Variants in FYB1 observed in about 807,000 individuals in gnomAD.
FYB1 encodes the protein FYN-binding protein 1.
FYB1 carries 41 observed loss-of-function variants against 94.1 expected under a neutral mutation model. The observed-to-expected ratio is 0.44, with a 90% confidence interval of 0.34 to 0.57. The LOEUF (loss-of-function observed/expected upper bound fraction) is 0.57. Ranked by LOEUF, FYB1 falls within the 20% of genes least tolerant of loss-of-function variation. The pLI is 0.02. For synonymous variants in FYB1, 367 were observed against 353.2 expected (o/e 1.04, Z -0.44); for missense variants, 1,050 against 976.8 (o/e 1.07, Z -1.00).
chr5:39,234,046 C>A (rs1475839896), intron 1 of FYB1, among the ~76,000 whole-genome samples: 6 of 152,070 alleles, frequency 3.9e-5, no homozygotes, highest in Admixed American at 6.6e-5. Context: ...GTGGCTAACT[C>A]TTTAAGTAAA....
rs1741812373 is a variant in FYB1, at chr5:39,138,007, A to C, written c.1395-287T>G. The C allele has an allele frequency of 7.6e-6, 3 of 394,188 alleles. No individual in the cohort carries two copies. The East Asian group carries it at 1.7e-4, about 22-fold the overall frequency. 24.4% of individuals were successfully genotyped at this position (394,188 alleles called of 1,614,324 possible). A position where few individuals can be genotyped will look rare whatever the true frequency, so the allele number is the denominator to read the frequency against. ...CCCATTCTTGCTGTATGTTCGCATA[A>C]ATAGAATCCATCTCTTTTTCTCTCT... On this transcript the variant is annotated intron_variant, in intron 6 of 18. Transcript: ENST00000512982.
chr5:39,257,951 G>C (rs1268191127), intron 1 of FYB1, among the ~76,000 whole-genome samples: 1 of 152,192 alleles, frequency 6.6e-6, no homozygotes, highest in Admixed American at 6.5e-5. Flanking sequence ...AGCGTCTTTA[G>C]CTGTGTCTGG....
chr5:39,133,810 A>T (rs1028185944), intron 9 of FYB1, among the ~76,000 whole-genome samples: 2 of 152,226 alleles, frequency 1.3e-5, no homozygotes, highest in Non-Finnish European at 2.9e-5. Context: ...TTTTCAAAAA[A>T]TAACAACAAA....
chr5:39,122,378 T>G lies in FYB1; in HGVS notation c.2096A>C (p.Asp699Ala), dbSNP rs1050360969. ...AACAGGGAAATCAGAGGTATCCACATCATCGTAAACTTCATCTCCCATGTC... is the reference window on the plus strand; with the variant it reads ...AACAGGGAAATCAGAGGTATCCACAGCATCGTAAACTTCATCTCCCATGTC... ...QLDMGDEVYD[D>A]VDTSDFPVSS... Residue 699 changes from aspartate to alanine, a missense_variant, in exon 14 of 19, where the codon GAT becomes GCT. Asp to Ala is a moderately radical substitution (Grantham distance 126). Transcript: ENST00000512982. 1 of 1,580,820 alleles carries G rather than the reference T, an allele frequency of 6.3e-7. No individual in the cohort carries two copies. The highest frequency in any genetic ancestry group is 8.6e-7 in the Non-Finnish European group (1 of 1,160,286).
chr5:39,143,088 T>C (rs1742326482), intron 3 of FYB1, among the ~76,000 whole-genome samples: 1 of 152,224 alleles, frequency 6.6e-6, no homozygotes, highest in Non-Finnish European at 1.5e-5. Context: ...TCCATAGCTT[T>C]ATATATGATC....
chr5:39,107,752 G>A (rs757196574), intron 18 of FYB1, among the ~76,000 whole-genome samples: 4 of 151,902 alleles, frequency 2.6e-5, no homozygotes, highest in Non-Finnish European at 5.9e-5. Flanking sequence ...CACTCTGAAC[G>A]AGGTTGAAGA....
intron 2 of FYB1, among the ~76,000 whole-genome samples, chr5:39,154,576 G>A (rs918430642): frequency 7.3e-5 from 11 of 151,138 alleles, no homozygotes; most frequent in African/African-American, 2.2e-4. Context: ...GTGCGATCTC[G>A]GCTCACTGCA....
rs528769381 is a variant in FYB1, at chr5:39,198,063, A to G, written c.1135+3763T>C. On this transcript the variant is annotated intron_variant, in intron 2 of 18. Transcript: ENST00000512982. ...GTGATAAAATTTTAATGCTAATAAAAGTAATAAAATTATAGACAATGCTCA... is the reference window on the plus strand; with the variant it reads ...GTGATAAAATTTTAATGCTAATAAAGGTAATAAAATTATAGACAATGCTCA... 3.3e-5 allele frequency among the ~76,000 whole-genome samples: 5 copies of G among 152,366 alleles called. No individual in the cohort carries two copies. The East Asian group carries it at 9.6e-4, about 29-fold the overall frequency.
chr5:39,194,896 A>T (rs955337361), intron 2 of FYB1, among the ~76,000 whole-genome samples: 2 of 152,092 alleles, frequency 1.3e-5, no homozygotes, highest in Non-Finnish European at 2.9e-5. Context: ...TTTTTCAGGG[A>T]TTAAGGAGGG....
chr5:39,209,544 T>G (rs570804703), intron 1 of FYB1, among the ~76,000 whole-genome samples: 16 of 152,262 alleles, frequency 1.1e-4, no homozygotes, highest in Non-Finnish European at 2.2e-4. Flanking sequence ...CAGGCTGGTC[T>G]TGAACTCCTG....
At chr5:39,265,353 G>A (rs766775100) in intron 1 of FYB1, among the ~76,000 whole-genome samples, 6 of 152,104 alleles carry the variant, frequency 3.9e-5, no homozygotes, top group African/African-American at 9.7e-5. Context: ...TTGTGATGGC[G>A]GGCGCTTACA....
chr5:39,173,136 T>C (rs1019140297), intron 2 of FYB1, among the ~76,000 whole-genome samples: 1 of 152,196 alleles, frequency 6.6e-6, no homozygotes, highest in Non-Finnish European at 1.5e-5. Context: ...ATTTTAATAG[T>C]AGCCATTCTG....
chr5:39,236,257 C>G (rs569489109), intron 1 of FYB1, among the ~76,000 whole-genome samples: 58 of 152,088 alleles, frequency 3.8e-4, no homozygotes, highest in Non-Finnish European at 6.5e-4. Flanking sequence ...CGGAGTAAAT[C>G]CCTAATTTCA....
intron 2 of FYB1, among the ~76,000 whole-genome samples, chr5:39,162,866 T>G (rs1323815295): frequency 6.6e-6 from 1 of 152,210 alleles, no homozygotes; most frequent in Non-Finnish European, 1.5e-5. Context: ...TAAGTGAGAC[T>G]GAGCATTCTT....
intron 3 of FYB1, among the ~76,000 whole-genome samples, chr5:39,141,560 C>T (rs897174610): frequency 6.6e-6 from 1 of 152,106 alleles, no homozygotes; most frequent in Non-Finnish European, 1.5e-5. Flanking sequence ...GAAGCTGAGG[C>T]AGATGGATCA....
At chr5:39,139,165 G>A (rs1418937015) in intron 5 of FYB1, 68 bp downstream of exon 5, 3 of 1,348,714 alleles carry the variant, frequency 2.2e-6, no homozygotes, top group African/African-American at 3.0e-5. Flanking sequence ...CCAATACGGA[G>A]TGAATCATAA....
intron 10 of FYB1, among the ~76,000 whole-genome samples, chr5:39,129,075 G>A (rs1481125246): frequency 6.6e-6 from 1 of 151,890 alleles, no homozygotes; most frequent in Non-Finnish European, 1.5e-5. Context: ...ATTTTGTGTT[G>A]TAACCAATCA....
At chr5:39,234,942 C>T (rs1057087608) in intron 1 of FYB1, among the ~76,000 whole-genome samples, 2 of 151,372 alleles carry the variant, frequency 1.3e-5, no homozygotes, top group East Asian at 1.9e-4. Context: ...CTAATGCATG[C>T]GGGCTTAAAA....
intron 1 of FYB1, among the ~76,000 whole-genome samples, chr5:39,254,485 A>G (rs1751853659): frequency 2.6e-5 from 4 of 152,250 alleles, no homozygotes; most frequent in Admixed American, 2.6e-4. Context: ...TTTCTGAAAT[A>G]AAATTCTATT....
Sources: gnomAD v4.1 joint callset for allele counts (sites outside exome capture counted in the v4.1 genomes callset) on GRCh38, gnomAD v4.1.1 for gene constraint, MANE v1.5 for transcripts, NCBI Gene and HGNC (gene_info 2026-07-23, HGNC 2026-07-21) for gene names.